The following RAB38 variants were observed in gnomAD, a reference collection of about 807,000 sequenced individuals.
The protein encoded by RAB38 is RAB38, member RAS oncogene family.
RAB38 carries 15 observed loss-of-function variants against 18.4 expected under a neutral mutation model. The observed-to-expected ratio is 0.82, with a 90% confidence interval of 0.55 to 1.26. RAB38 has a LOEUF of 1.26. RAB38 is among the 50% of genes most tolerant of loss of function. The pLI is 0.00. For synonymous variants in RAB38, 101 were observed against 104.4 expected (o/e 0.97, Z 0.20); for missense variants, 294 against 267.4 (o/e 1.10, Z -0.69).
chr11:87,814,679 G>C, the RAB38 span, among the ~76,000 whole-genome samples: 2 of 152,104 alleles, frequency 1.3e-5, no homozygotes, highest in African/African-American at 2.4e-5. Flanking sequence ...TACAAGACCA[G>C]AGCATTGAAT....
At chr11:88,072,619 A>G in the RAB38 span, among the ~76,000 whole-genome samples, 1 of 152,218 alleles carries the variant, frequency 6.6e-6, no homozygotes, top group Non-Finnish European at 1.5e-5. Flanking sequence ...AATTTAAACA[A>G]TAAGAATCCA....
the RAB38 span, chr11:87,816,149 T>A: frequency 1.3e-5 from 2 of 152,290 alleles, no homozygotes; most frequent in Non-Finnish European, 2.9e-5. Flanking sequence ...TTTGCATATT[T>A]TGGTCATTAG....
At chr11:87,877,019 C>G in the RAB38 span, among the ~76,000 whole-genome samples, 1 of 151,550 alleles carries the variant, frequency 6.6e-6, no homozygotes, top group Non-Finnish European at 1.5e-5. Context: ...AAGTGAAATA[C>G]TCATCAACAG....
chr11:88,079,579 T>C, the RAB38 span, among the ~76,000 whole-genome samples: 5 of 151,852 alleles, frequency 3.3e-5, no homozygotes, highest in South Asian at 4.1e-4. Flanking sequence ...TTCCCTGATA[T>C]CAAAACTATT....
At chr11:87,918,799 AT>A in the RAB38 span, among the ~76,000 whole-genome samples, 1 of 152,056 alleles carries the variant, frequency 6.6e-6, no homozygotes, top group East Asian at 1.9e-4. Context: ...TTTTGCAAAT[AT>A]TTACTTCCAT....
At chr11:88,029,793 AC>A in the RAB38 span, among the ~76,000 whole-genome samples, 1 of 152,022 alleles carries the variant, frequency 6.6e-6, no homozygotes, top group Admixed American at 6.6e-5. Flanking sequence ...AGACTTTAAC[AC>A]CCCACTGTCA....
At chr11:87,956,486 C>T in the RAB38 span, among the ~76,000 whole-genome samples, 2 of 152,086 alleles carry the variant, frequency 1.3e-5, no homozygotes, top group Non-Finnish European at 2.9e-5. Flanking sequence ...TGCACCATGG[C>T]CTCCCACTCC....
the RAB38 span, among the ~76,000 whole-genome samples, chr11:87,864,021 G>A: frequency 2.1e-4 from 32 of 151,592 alleles, no homozygotes; most frequent in Non-Finnish European, 2.4e-4. Context: ...TGTGGTGGTC[G>A]TGATCACGGT....
the RAB38 span, among the ~76,000 whole-genome samples, chr11:87,955,492 C>T: frequency 6.6e-6 from 1 of 152,032 alleles, no homozygotes; most frequent in African/African-American, 2.4e-5. Context: ...ACATGTACTT[C>T]CTGAATCTAA....
chr11:88,028,519 C>T, the RAB38 span, among the ~76,000 whole-genome samples: 1 of 152,076 alleles, frequency 6.6e-6, no homozygotes, highest in African/African-American at 2.4e-5. Context: ...ATAACCAATA[C>T]AGAGAAGTGC....
At chr11:88,162,441 C>T (rs2134847062) in intron 1 of RAB38, among the ~76,000 whole-genome samples, 1 of 149,920 alleles carries the variant, frequency 6.7e-6, no homozygotes, top group South Asian at 2.1e-4. Flanking sequence ...AGGAATAATT[C>T]TTAATTCTTT....
chr11:88,088,303 G>T, the RAB38 span, among the ~76,000 whole-genome samples: 3 of 151,922 alleles, frequency 2.0e-5, no homozygotes, highest in Non-Finnish European at 4.4e-5. Context: ...GTTTTCTAGG[G>T]TTTTCAAATG....
At chr11:87,966,256 G>T in the RAB38 span, among the ~76,000 whole-genome samples, 1 of 152,036 alleles carries the variant, frequency 6.6e-6, no homozygotes, top group African/African-American at 2.4e-5. Flanking sequence ...TAGGGGGAGG[G>T]CTTTTAAGCC....
intron 2 of RAB38, among the ~76,000 whole-genome samples, chr11:88,137,481 A>G (rs1942850593): frequency 6.6e-6 from 1 of 152,152 alleles, no homozygotes; most frequent in Non-Finnish European, 1.5e-5. Context: ...ATTAAAAATT[A>G]TAATAAAAGA....
chr11:87,952,932 A>G, the RAB38 span, among the ~76,000 whole-genome samples: 19 of 152,072 alleles, frequency 1.2e-4, no homozygotes, highest in African/African-American at 2.2e-4. Flanking sequence ...ATTATAGACA[A>G]TAAGTATTTT....
intron 2 of RAB38, among the ~76,000 whole-genome samples, chr11:88,132,065 G>A (rs1163604258): frequency 6.6e-6 from 1 of 152,194 alleles, no homozygotes; most frequent in Non-Finnish European, 1.5e-5. Flanking sequence ...GTTTAGATGA[G>A]AACACAGCTA....
At chr11:87,882,532 A>C in the RAB38 span, among the ~76,000 whole-genome samples, 8 of 152,016 alleles carry the variant, frequency 5.3e-5, 1 homozygote, top group Admixed American at 3.9e-4. Context: ...TTTATCTACC[A>C]ATTTTTATGA....
the RAB38 span, among the ~76,000 whole-genome samples, chr11:87,915,196 C>A: frequency 3.3e-5 from 5 of 152,080 alleles, no homozygotes; most frequent in African/African-American, 9.7e-5. Context: ...CTGTGCCTAG[C>A]AAAGCTGTCA....
intron 2 of RAB38, among the ~76,000 whole-genome samples, chr11:88,130,332 T>G (rs576617151): frequency 6.6e-6 from 1 of 152,218 alleles, no homozygotes; most frequent in African/African-American, 2.4e-5. Flanking sequence ...GCAGAACAGA[T>G]TCGAGCGGTG....
Sources: gnomAD v4.1 joint callset for allele counts (sites outside exome capture counted in the v4.1 genomes callset) on GRCh38, gnomAD v4.1.1 for gene constraint, MANE v1.5 for transcripts, NCBI Gene and HGNC (gene_info 2026-07-23, HGNC 2026-07-21) for gene names.